TSPAN19: variants seen among roughly 807,000 people sequenced by gnomAD.
The protein encoded by TSPAN19 is tetraspanin-19.
In TSPAN19, 44 loss-of-function variants were observed where a neutral mutation model predicts 35.1. The observed-to-expected ratio is 1.25, with a 90% CI of 0.98 to 1.61. TSPAN19 has a LOEUF of 1.61. Among genes scored for constraint, TSPAN19 ranks in the 40% most tolerant of loss-of-function variants. The probability of loss-of-function intolerance (pLI) is 0.00; values close to 1 mark genes in which losing one functional copy is unlikely to be tolerated. For synonymous variants in TSPAN19, 79 were observed against 92.0 expected, an observed-to-expected ratio of 0.86 and a Z score of 0.81; for missense variants, 290 against 280.0, an observed-to-expected ratio of 1.04 and a Z score of -0.26.
intron 8 of TSPAN19, 64 bp from the exon 9 acceptor site, chr12:85,014,619 TAAC>T (rs1876689275): frequency 1.6e-5 from 20 of 1,230,184 alleles, no homozygotes; most frequent in Non-Finnish European, 2.2e-5. Flanking sequence ...TTTGCAAAGT[TAAC>T]AATATATAGT....
chr12:85,017,402 A>G (rs1326163392), intron 7 of TSPAN19, 54 bp downstream of exon 7: 2 of 1,508,632 alleles, frequency 1.3e-6, no homozygotes, highest in Non-Finnish European at 1.8e-6. Context: ...TTGACTTGCA[A>G]AATAAACAAA....
Position 85,015,926 on chromosome 12 carries a change from T to G in TSPAN19, c.640A>C (p.Thr214Pro). The change falls in exon 8 of 9, where the codon ACC becomes CCC. Residue 214 changes from threonine to proline, a missense_variant. Transcript: ENST00000532498. The stretch of plus-strand genomic sequence containing the variant: ...AGTCCAAAGTTAATTCCGATTAAGG[T>G]TAACACATTAACATTATACCATGCA... ...ISAWYNVNVL[T>P]LIGINFGLLT... is the part of the protein sequence containing the mutation. 6.5e-7 allele frequency: 1 copy of G among 1,550,042 alleles called. No homozygotes were observed. The highest frequency in any genetic ancestry group is 2.4e-5 in the East Asian group (1 of 41,576).
intron 5 of TSPAN19, among the ~76,000 whole-genome samples, chr12:85,020,090 A>G (rs1020915491): frequency 3.9e-5 from 6 of 151,956 alleles, no homozygotes; most frequent in African/African-American, 1.4e-4. Flanking sequence ...TGTCTTTTCA[A>G]TGGACACTAG....
rs188656791 is a variant in TSPAN19, at chr12:85,029,892, C to A, written c.55G>T (p.Gly19Ter). The change falls in exon 2 of 9, where the codon GGA becomes TGA. Residue 19 changes from glycine (G) to a stop codon, truncating the protein, a stop_gained. Transcript: ENST00000532498. LOFTEE classifies it high-confidence loss of function. ...ATGAAGATTCTTACCAAGAAAGCTCCATTAATGAGATTAAGAAAGTACTTA... is the reference window on the plus strand; with the variant it reads ...ATGAAGATTCTTACCAAGAAAGCTCAATTAATGAGATTAAGAAAGTACTTA... ...IIKYFLNLINGAFLVLGLLFM... is the reference protein window; with the variant it reads ...IIKYFLNLIN The A allele has an allele frequency of 2.0e-4, 304 of 1,486,798 alleles. 3 individuals carry two copies. In the African/African-American group the frequency reaches 2.9e-3, roughly 14 times the overall value. The allele number at this position is 1,486,798 out of a possible 1,614,324, so 92.1% of individuals were successfully genotyped here.
intron 6 of TSPAN19, among the ~76,000 whole-genome samples, chr12:85,018,949 T>C (rs1180602807): frequency 6.6e-6 from 1 of 151,872 alleles, no homozygotes; most frequent in Non-Finnish European, 1.5e-5. Context: ...GCACTTATTA[T>C]ATTCCAGGTG....
chr12:85,019,806 G>T, intron 5 of TSPAN19, 70 bp from the exon 6 acceptor site: 1 of 753,280 alleles, frequency 1.3e-6, no homozygotes, highest in African/African-American at 1.8e-5. Flanking sequence ...AGAAATTGAT[G>T]GTTCCTCAAG....
rs541893629 is a variant in TSPAN19 at position 85,014,438 on chromosome 12, A to AT, written c.*48dup. 16 of 1,357,034 alleles carry AT rather than the reference A, an allele frequency of 1.2e-5. No individual in the cohort carries two copies. The Admixed American group carries it at 1.8e-4, about 16-fold the overall frequency. The allele number at this position is 1,357,034 out of a possible 1,614,324, so 84.1% of individuals were successfully genotyped here. On this transcript the variant is annotated 3_prime_UTR_variant, in exon 9 of 9. Transcript: ENST00000532498. The stretch of plus-strand genomic sequence containing the variant: ...TTTTGGAATAAAATAATATAATGTG[A>AT]TTTTTTAAGAATTAACTGGTTTCTT...
intron 1 of TSPAN19, among the ~76,000 whole-genome samples, chr12:85,030,240 T>C (rs1045407874): frequency 1.3e-4 from 20 of 152,142 alleles, no homozygotes; most frequent in African/African-American, 4.8e-4. Context: ...AAGACATTTG[T>C]ATAACAAGTC....
chr12:85,023,469 G>A, intron 4 of TSPAN19, 69 bp from the exon 5 acceptor site: 6 of 1,219,696 alleles, frequency 4.9e-6, no homozygotes, highest in Non-Finnish European at 7.0e-6. Flanking sequence ...CAAATAATGG[G>A]AAAACACACA....
chr12:85,033,436 A>C (rs1877776099), intron 1 of TSPAN19, among the ~76,000 whole-genome samples: 1 of 150,162 alleles, frequency 6.7e-6, no homozygotes, highest in East Asian at 1.9e-4. Flanking sequence ...AGATAGGGGG[A>C]TAATTTATAA....
chr12:85,028,011 T>C lies in TSPAN19; in HGVS notation c.152A>G (p.His51Arg). The part of the protein sequence containing the change: ...NFLTAFDENN[H>R]FIVPISQILI... ...AATTTGAGAAATAGGTACTATGAAG[T>C]GATTATTTTCATCTGTGAAAAGTAC... Residue 51 changes from histidine to arginine, a missense_variant, in exon 4 of 9, where the codon CAC (histidine) becomes CGC (arginine). His to Arg is a conservative substitution (Grantham distance 29, BLOSUM62 0). Transcript: ENST00000532498. The C allele has an allele frequency of 6.4e-7, 1 of 1,564,432 alleles. No homozygotes were observed. The highest frequency in any genetic ancestry group is 8.7e-7 in the Non-Finnish European group (1 of 1,151,020).
At chr12:85,029,301 A>T (rs574694441) in intron 3 of TSPAN19, among the ~76,000 whole-genome samples, 3 of 152,084 alleles carry the variant, frequency 2.0e-5, no homozygotes, top group Non-Finnish European at 4.4e-5. Flanking sequence ...TGCATTTTTA[A>T]ATTTTCTTTT....
intron 1 of TSPAN19, among the ~76,000 whole-genome samples, chr12:85,030,491 C>T (rs1235832906): frequency 1.3e-5 from 2 of 151,876 alleles, no homozygotes; most frequent in African/African-American, 4.8e-5. Flanking sequence ...TCTCTTAACC[C>T]AATTTGTTGC....
intron 1 of TSPAN19, 104 bp from the exon 2 acceptor site, chr12:85,030,077 T>C: frequency 1.1e-6 from 1 of 937,592 alleles, no homozygotes. Context: ...AAATCAATTA[T>C]CAGTATAACA....
Position 85,023,315 on chromosome 12 carries a change from A to G in TSPAN19, c.339+11T>C, listed in dbSNP as rs1031167370. 2 of 1,564,662 alleles carry G rather than the reference A, an allele frequency of 1.3e-6. No individual in the cohort carries two copies. Among genetic ancestry groups the G allele is most frequent in the East Asian group, 2.3e-5 (1 of 42,924 alleles). ...TAACAGGATGTATTGAAAAGGATTT[A>G]CTTTCCATACCTCCTCTTTCTTTGT... On this transcript the variant is annotated intron_variant, in intron 5 of 8. Transcript: ENST00000532498.
intron 1 of TSPAN19, 44 bp downstream of exon 1, chr12:85,036,160 T>C (rs1370262923): frequency 1.3e-5 from 2 of 152,232 alleles, no homozygotes; most frequent in African/African-American, 4.8e-5. Flanking sequence ...CAAAATTTCA[T>C]TTTATTAAGT....
At chr12:85,022,834 T>G (rs1289940984) in intron 5 of TSPAN19, among the ~76,000 whole-genome samples, 2 of 152,148 alleles carry the variant, frequency 1.3e-5, no homozygotes, top group Admixed American at 6.6e-5. Flanking sequence ...TGAACTAAAT[T>G]TGATAAACCT....
chr12:85,030,285 A>G (rs1038086653), intron 1 of TSPAN19, among the ~76,000 whole-genome samples: 27 of 152,148 alleles, frequency 1.8e-4, no homozygotes, highest in East Asian at 1.5e-3. Flanking sequence ...AGTTTCAAAA[A>G]GTATAAGATA....
intron 1 of TSPAN19, among the ~76,000 whole-genome samples, chr12:85,032,801 C>A (rs1877750786): frequency 6.6e-6 from 1 of 152,034 alleles, no homozygotes; most frequent in Admixed American, 6.6e-5. Context: ...TTGCTATAAA[C>A]AAAGAATTTG....
Sources: gnomAD v4.1 joint callset for allele counts (sites outside exome capture counted in the v4.1 genomes callset) on GRCh38, gnomAD v4.1.1 for gene constraint, MANE v1.5 for transcripts, NCBI Gene and HGNC (gene_info 2026-07-23, HGNC 2026-07-21) for gene names.